OPCML: variants seen among roughly 807,000 people sequenced by gnomAD.
The protein encoded by OPCML is opioid binding protein/cell adhesion molecule like, also known as opioid-binding protein/cell adhesion molecule.
Under a neutral mutation model 37.8 loss-of-function variants are expected in OPCML, and 13 were observed. The observed-to-expected ratio is 0.34, with a 90% confidence interval of 0.22 to 0.55. OPCML has a LOEUF of 0.55. Ranked by LOEUF, OPCML falls within the 20% of genes least tolerant of loss-of-function variation. The pLI, the probability that OPCML is intolerant of heterozygous loss-of-function variation, is 0.91. For synonymous variants in OPCML, 176 were observed against 168.8 expected (o/e 1.04, Z -0.33); for missense variants, 341 against 435.6 (o/e 0.78, Z 1.93).
At chr11:132,578,689 A>G (rs992553499) in intron 3 of OPCML, among the ~76,000 whole-genome samples, 4 of 152,218 alleles carry the variant, frequency 2.6e-5, no homozygotes, top group Admixed American at 2.6e-4. Context: ...AGTACAAATG[A>G]TTTTTGAATA....
At chr11:133,184,846 G>T (rs1323895795) in intron 1 of OPCML, among the ~76,000 whole-genome samples, 1 of 152,172 alleles carries the variant, frequency 6.6e-6, no homozygotes, top group African/African-American at 2.4e-5. Context: ...GTGAATGATA[G>T]CCCTGAAGAA....
chr11:132,839,890 T>C (rs1166705035), intron 2 of OPCML, among the ~76,000 whole-genome samples: 1 of 152,202 alleles, frequency 6.6e-6, no homozygotes, highest in African/African-American at 2.4e-5. Flanking sequence ...GAGGGTTTCT[T>C]GCTTTGTGGA....
rs79520857 is a variant in OPCML, at chr11:132,548,621, C to T, written c.380-19435G>A. 7.2e-3 allele frequency among the ~76,000 whole-genome samples: 1,097 copies of T among 152,222 alleles called. 17 individuals are homozygous for T. Among genetic ancestry groups the T allele is most frequent in the African/African-American group, 0.024 (1,016 of 41,542 alleles). ...CAGCGAGGAATAAGCTCTCCTCTAC[C>T]CCATTAAATGTTAAAAAGTGAAGAG... On this transcript the variant is annotated intron_variant, in intron 3 of 7. Transcript: ENST00000524381.
chr11:133,407,215 C>T (rs185796466), intron 1 of OPCML, among the ~76,000 whole-genome samples: 57 of 152,218 alleles, frequency 3.7e-4, no homozygotes, highest in Admixed American at 2.6e-4. Flanking sequence ...TATTAGCACT[C>T]AAGGAATCAA....
chr11:133,508,478 A>T (rs1265230943), intron 1 of OPCML, among the ~76,000 whole-genome samples: 1 of 152,190 alleles, frequency 6.6e-6, no homozygotes. Context: ...CAAGTTAGGC[A>T]GTTTTAGTGA....
chr11:132,675,206 CAT>C (rs10629015), intron 2 of OPCML, among the ~76,000 whole-genome samples: 390 of 143,302 alleles, frequency 2.7e-3, no homozygotes, highest in African/African-American at 9.2e-3. Flanking sequence ...TATAACTTTA[CAT>C]ATATATATAT....
At chr11:132,784,112 C>G (rs192346060) in intron 2 of OPCML, among the ~76,000 whole-genome samples, 1 of 152,218 alleles carries the variant, frequency 6.6e-6, no homozygotes, top group Non-Finnish European at 1.5e-5. Flanking sequence ...CCTGTAGCAA[C>G]CTGCCCAGAA....
At chr11:132,989,602 C>CGTGTGTGTGT (rs72145712) in intron 1 of OPCML, among the ~76,000 whole-genome samples, 2 of 139,468 alleles carry the variant, frequency 1.4e-5, no homozygotes, top group Non-Finnish European at 3.1e-5. Flanking sequence ...GGTCCTAGAG[C>CGTGTGTGTGT]GTGTGTGTGT....
At chr11:132,581,731 T>C (rs1402266766) in intron 3 of OPCML, among the ~76,000 whole-genome samples, 1 of 152,066 alleles carries the variant, frequency 6.6e-6, no homozygotes, top group Non-Finnish European at 1.5e-5. Flanking sequence ...CTTTTTCCTT[T>C]TGGACTAAAG....
At chr11:133,439,508 C>T (rs974818808) in intron 1 of OPCML, 5 of 920,390 alleles carry the variant, frequency 5.4e-6, no homozygotes, top group Middle Eastern at 5.6e-4. Context: ...CACTCTGTCG[C>T]CCAGGCTGGA....
At chr11:133,227,700 T>G (rs926318185) in intron 1 of OPCML, among the ~76,000 whole-genome samples, 1 of 152,248 alleles carries the variant, frequency 6.6e-6, no homozygotes, top group East Asian at 1.9e-4. Context: ...TGTCTGGAAA[T>G]GCAGTGGCCC....
At chr11:133,262,515 A>G (rs552423153) in intron 1 of OPCML, among the ~76,000 whole-genome samples, 1 of 152,336 alleles carries the variant, frequency 6.6e-6, no homozygotes. Flanking sequence ...CATTCTGCAG[A>G]GGAAAGTACT....
intron 1 of OPCML, among the ~76,000 whole-genome samples, chr11:132,950,037 T>G (rs1321694565): frequency 6.6e-6 from 1 of 152,164 alleles, no homozygotes; most frequent in Admixed American, 6.5e-5. Flanking sequence ...TAGAGGCATA[T>G]GGCAGAGGTA....
intron 2 of OPCML, among the ~76,000 whole-genome samples, chr11:132,676,468 A>G (rs1488448898): frequency 1.3e-5 from 2 of 152,002 alleles, no homozygotes; most frequent in African/African-American, 2.4e-5. Context: ...TTTGTATTTC[A>G]AAGAGCACCA....
At chr11:132,815,116 T>C (rs1003949710) in intron 2 of OPCML, among the ~76,000 whole-genome samples, 1 of 152,132 alleles carries the variant, frequency 6.6e-6, no homozygotes, top group African/African-American at 2.4e-5. Flanking sequence ...CATGGACTAT[T>C]TTAATAGTTT....
chr11:133,173,518 T>C lies in OPCML; in HGVS notation c.62-230508A>G, dbSNP rs1456714443. On this transcript the variant is annotated intron_variant, in intron 1 of 7. Transcript: ENST00000524381. The surrounding 1 kb of genome is among the most constrained non-coding windows in gnomAD (Gnocchi z 7.8). ...GCAGAGTGTCCCCAACAATCTTTTC[T>C]CTATAAGGAATTGTTGCAGTGGTAA... 5.9e-5 allele frequency among the ~76,000 whole-genome samples: 9 copies of C among 152,166 alleles called. No homozygotes were observed. Among genetic ancestry groups the C allele is most frequent in the Non-Finnish European group, 1.3e-4 (9 of 68,026 alleles).
At chr11:133,104,999 C>T (rs1161360286) in intron 1 of OPCML, among the ~76,000 whole-genome samples, 1 of 152,032 alleles carries the variant, frequency 6.6e-6, no homozygotes, top group African/African-American at 2.4e-5. Flanking sequence ...TAATTTTGTA[C>T]AAATTATGTG....
chr11:133,281,098 A>T (rs1419733476), intron 1 of OPCML, among the ~76,000 whole-genome samples: 1 of 152,180 alleles, frequency 6.6e-6, no homozygotes, highest in Non-Finnish European at 1.5e-5. Context: ...CTCACTGGGC[A>T]TCACCCCTCG....
chr11:132,772,802 TC>T (rs966685871), intron 2 of OPCML: 6 of 152,278 alleles, frequency 3.9e-5, no homozygotes, highest in African/African-American at 1.4e-4. Flanking sequence ...CCCCGAGGGA[TC>T]TTTTCCATGG....
Sources: gnomAD v4.1 joint callset for allele counts (sites outside exome capture counted in the v4.1 genomes callset) on GRCh38, gnomAD v4.1.1 for gene constraint, Gnocchi (gnomAD v3.1) non-coding constraint, MANE v1.5 for transcripts, NCBI Gene and HGNC (gene_info 2026-07-23, HGNC 2026-07-21) for gene names.